Variants in PWWP2A observed in about 807,000 individuals in gnomAD.
The protein encoded by PWWP2A is PWWP domain-containing protein 2A.
PWWP2A carries 18 observed loss-of-function variants against 48.5 expected under a neutral mutation model. That is an observed-to-expected ratio of 0.37 (90% CI 0.26 to 0.55). The LOEUF is 0.55. Ranked by LOEUF, PWWP2A falls within the 20% of genes least tolerant of loss-of-function variation. The probability of loss-of-function intolerance (pLI) is 0.81; values close to 1 mark genes in which losing one functional copy is unlikely to be tolerated. For missense variants in PWWP2A, 867 were observed against 976.4 expected, an observed-to-expected ratio of 0.89 and a Z score of 1.49; for synonymous variants, 396 against 387.7, an observed-to-expected ratio of 1.02 and a Z score of -0.25.
chr5:160,119,416 C>G lies in PWWP2A; in HGVS notation c.-28G>C. On this transcript the variant is annotated 5_prime_UTR_variant, in exon 1 of 2. Transcript: ENST00000307063. ...TCTTCCTAGCTTCTCCCTCCTCCAA[C>G]TCCGGCTGCAGCGGCGGCGGCGACA... The G allele has an allele frequency of 7.4e-7, 1 of 1,354,804 alleles. No homozygotes were observed. The allele number at this position is 1,354,804 out of a possible 1,614,324, so 83.9% of individuals were successfully genotyped here.
chr5:160,050,271 A>C, the PWWP2A span, among the ~76,000 whole-genome samples: 1 of 152,146 alleles, frequency 6.6e-6, no homozygotes, highest in African/African-American at 2.4e-5. Flanking sequence ...AACATGGAGA[A>C]ACCCTGTCTC....
chr5:160,066,295 C>T (rs1359203820), intron 4 of PWWP2A, among the ~76,000 whole-genome samples: 3 of 57,954 alleles, frequency 5.2e-5, no homozygotes, highest in African/African-American at 1.7e-4. Context: ...AAGTGGTTCT[C>T]ATTTTTTTTT....
chr5:160,091,559 C>T lies in PWWP2A; in HGVS notation c.*823G>A. 5.1e-6 allele frequency: 5 copies of T among 981,230 alleles called. No individual in the cohort carries two copies. The highest frequency in any genetic ancestry group is 6.0e-6 in the Non-Finnish European group (5 of 828,334). The allele number at this position is 981,230 out of a possible 1,614,324, so 60.8% of individuals were successfully genotyped here. A position where few individuals can be genotyped will look rare whatever the true frequency, so the allele number is the denominator to read the frequency against. The stretch of plus-strand genomic sequence containing the variant: ...AAGTATAATTTTACTGGGACATATC[C>T]TAAGAATTTAGGAACAGCCAGTCAG... On this transcript the variant is annotated 3_prime_UTR_variant, in exon 2 of 2. Transcript: ENST00000307063.
rs145424788 is a variant in PWWP2A, at chr5:160,105,136, G to T, written c.585-11071C>A. ...GCCTGTAGTCCCTGCTATTCAGAAGGCTGAGGCAGGAGGATCACTTGAGAC... is the reference window on the plus strand; with the variant it reads ...GCCTGTAGTCCCTGCTATTCAGAAGTCTGAGGCAGGAGGATCACTTGAGAC... On this transcript the variant is annotated intron_variant, in intron 1 of 1. Transcript: ENST00000307063. 9.8e-3 allele frequency among the ~76,000 whole-genome samples: 1,491 copies of T among 151,652 alleles called. 16 individuals carry two copies. Among genetic ancestry groups the T allele is most frequent in the Middle Eastern group, 0.02 (6 of 294 alleles).
At chr5:160,109,777 ATATAT>A (rs1561698534) in intron 1 of PWWP2A, among the ~76,000 whole-genome samples, 28 of 32,548 alleles carry the variant, frequency 8.6e-4, no homozygotes, top group Admixed American at 1.9e-3. Context: ...AAAAAAAAAT[ATATAT>A]ATATATATAT....
At chr5:160,048,126 CTTTTTTTT>C in the PWWP2A span, among the ~76,000 whole-genome samples, 54 of 35,562 alleles carry the variant, frequency 1.5e-3, no homozygotes, top group African/African-American at 2.4e-3. Flanking sequence ...CAAGACATTG[CTTTTTTTT>C]TTTTTTTTTT....
downstream of PWWP2A, chr5:160,090,964 C>T: frequency 1.0e-6 from 1 of 985,080 alleles, no homozygotes; most frequent in South Asian, 4.7e-5. Flanking sequence ...GTTACTAGCC[C>T]CAAAAGCAGT....
intron 1 of PWWP2A, among the ~76,000 whole-genome samples, chr5:160,104,562 G>T (rs1489470475): frequency 2.0e-5 from 3 of 152,148 alleles, no homozygotes; most frequent in African/African-American, 7.2e-5. Context: ...TAGCACTTTG[G>T]GAGGCTCAGG....
intron 2 of PWWP2A, among the ~76,000 whole-genome samples, chr5:160,084,383 G>A (rs1308408454): frequency 1.3e-5 from 2 of 152,156 alleles, no homozygotes; most frequent in African/African-American, 4.8e-5. Context: ...GAAAGGGAAT[G>A]GTTCTTTGCT....
the PWWP2A span, among the ~76,000 whole-genome samples, chr5:160,045,530 T>TCC: frequency 7.5e-6 from 1 of 133,940 alleles, no homozygotes; most frequent in African/African-American, 3.0e-5. Context: ...ACTCTCTCTC[T>TCC]CTCTCTCTCT....
chr5:160,116,625 T>A (rs924766527), intron 1 of PWWP2A: 10 of 982,256 alleles, frequency 1.0e-5, no homozygotes, highest in Non-Finnish European at 1.2e-5. Context: ...CTAAAGAAAA[T>A]TTTTTAAAAA....
At chr5:160,070,849 A>G (rs1300623515) in intron 2 of PWWP2A, among the ~76,000 whole-genome samples, 3 of 152,214 alleles carry the variant, frequency 2.0e-5, no homozygotes, top group Non-Finnish European at 4.4e-5. Flanking sequence ...TGAGAGTTGC[A>G]GTTCCTACGA....
intron 1 of PWWP2A, among the ~76,000 whole-genome samples, chr5:160,101,832 C>T (rs1756334582): frequency 6.6e-6 from 1 of 151,470 alleles, no homozygotes; most frequent in Admixed American, 6.6e-5. Context: ...AATGCGTGGC[C>T]GGCCACTGGG....
chr5:160,109,365 T>A (rs1159797125), intron 1 of PWWP2A, among the ~76,000 whole-genome samples: 4 of 148,938 alleles, frequency 2.7e-5, no homozygotes, highest in Non-Finnish European at 4.5e-5. Flanking sequence ...AAAAAAAAAA[T>A]GATTCAGAAA....
intron 1 of PWWP2A, among the ~76,000 whole-genome samples, chr5:160,109,777 ATATATATATATAT>A (rs1757308645): frequency 1.5e-4 from 5 of 32,550 alleles, no homozygotes; most frequent in African/African-American, 5.9e-4. Flanking sequence ...AAAAAAAAAT[ATATATATATATAT>A]ATATATATAT....
the PWWP2A span, chr5:160,049,551 G>T: frequency 6.2e-7 from 1 of 1,602,226 alleles, no homozygotes; most frequent in Admixed American, 1.7e-5. Flanking sequence ...GGGCAATATT[G>T]AGGAGAGCAG....
rs1294157632 is a variant in PWWP2A, at chr5:160,118,944, C to T, written c.445G>A (p.Gly149Arg). ...ATCAGTTGCGACACCGTGGAGTCCC[C>T]GCCCGCCGGCGGCACGAGCGCCGGG... ...VAPALVPPAG[G>R]DSTVSQLIPG... Residue 149 changes from glycine to arginine, a missense_variant, in exon 1 of 2, where the codon GGG becomes AGG. Gly to Arg is a moderately radical substitution (Grantham distance 125, BLOSUM62 -2). This residue lies in a region of PWWP2A where 385 missense variants were observed against 396.9 expected (regional missense o/e 0.97). Coordinates refer to ENST00000307063, the MANE Select transcript of PWWP2A (RefSeq NM_001130864.2). 1.3e-6 allele frequency: 2 copies of T among 1,597,562 alleles called. No homozygotes were observed. Among genetic ancestry groups the T allele is most frequent in the East Asian group, 2.3e-5 (1 of 43,070 alleles).
intron 1 of PWWP2A, among the ~76,000 whole-genome samples, chr5:160,096,376 C>T (rs1368988236): frequency 6.6e-6 from 1 of 152,194 alleles, no homozygotes; most frequent in Non-Finnish European, 1.5e-5. Context: ...CTCAAAGTAA[C>T]TTTAAGCATT....
intron 2 of PWWP2A, among the ~76,000 whole-genome samples, chr5:160,070,479 AAAAAAAC>A (rs59816261): frequency 0.032 from 4,824 of 149,846 alleles, 100 homozygotes; most frequent in East Asian, 0.1. Context: ...TCTCTGAAAG[AAAAAAAC>A]AAAAAACAAA....
Sources: allele counts gnomAD v4.1 joint callset (sites outside exome capture counted in the v4.1 genomes callset), GRCh38; gene constraint gnomAD v4.1.1; regional missense constraint gnomAD v4.1.1; transcripts MANE v1.5; gene names NCBI Gene and HGNC (gene_info 2026-07-23, HGNC 2026-07-21).